Variants in CASTOR1 observed in about 807,000 individuals in gnomAD.
CASTOR1 encodes cytosolic arginine sensor for mTORC1 subunit 1.
In CASTOR1, 18 loss-of-function variants were observed where a neutral mutation model predicts 33.7. The ratio of observed to expected loss-of-function variants is 0.53; its 90% confidence interval spans 0.37 to 0.79. The LOEUF is 0.79. Among genes scored for constraint, CASTOR1 ranks in the 30% least tolerant of loss-of-function variants. The pLI, the probability that CASTOR1 is intolerant of heterozygous loss-of-function variation, is 0.00. For missense variants in CASTOR1, 362 were observed against 446.3 expected (o/e 0.81, Z 1.70); for synonymous variants, 175 against 190.6 (o/e 0.92, Z 0.67).
Position 30,286,831 on chromosome 22 carries a change from G to A in CASTOR1, c.623C>T (p.Ser208Leu), listed in dbSNP as rs775807200. 3.1e-6 allele frequency: 5 copies of A among 1,613,964 alleles called. No homozygotes were observed. In the South Asian group the frequency reaches 3.3e-5, roughly 11 times the overall value. Residue 208 changes from serine to leucine, a missense_variant, in exon 5 of 9, where the codon TCG (serine) becomes TTG (leucine). Transcript: ENST00000407689. ...ACGAAGTTCCAAGGTCCACCTGTGC[G>A]AGTAGAAGAGGACATCTATGAGGGT... ...ATTLIDVLFY[S>L]HSTPKEAASS...
intron 6 of CASTOR1, 51 bp downstream of exon 6, chr22:30,286,212 G>T: frequency 6.7e-7 from 1 of 1,491,276 alleles, no homozygotes; most frequent in Non-Finnish European, 9.3e-7. Context: ...CCTCCTCCCT[G>T]CCTGGGACTG....
At chr22:30,287,026 G>A in intron 4 of CASTOR1, 78 bp from the exon 5 acceptor site, 2 of 1,561,300 alleles carry the variant, frequency 1.3e-6, no homozygotes, top group Non-Finnish European at 1.7e-6. Context: ...GAGAGGCGTG[G>A]GCCAGGGGCA....
Position 30,287,418 on chromosome 22 carries a change from G to T in CASTOR1, c.327C>A (p.His109Gln). The T allele has an allele frequency of 1.5e-5, 24 of 1,613,462 alleles. No individual in the cohort carries two copies. Among genetic ancestry groups the T allele is most frequent in the Non-Finnish European group, 2.0e-5 (24 of 1,180,020 alleles). The part of the protein sequence containing the change: ...RSVIAPLAEH[H>Q]VSVLMLSTYQ... ...AAGTGGACAGCATCAGCACAGACAC[G>T]TGGTGCTCGGCCAGTGGCGCGATGA... The change falls in exon 3 of 9, where the codon CAC becomes CAA. Residue 109 changes from histidine to glutamine, a missense_variant. By Grantham distance (24) the His-to-Gln change is conservative (BLOSUM62 0). Transcript: ENST00000407689.
chr22:30,286,437 C>T (rs891817906), intron 5 of CASTOR1, 61 bp from the exon 6 acceptor site: 54 of 1,148,364 alleles, frequency 4.7e-5, no homozygotes, highest in African/African-American at 1.2e-4. Flanking sequence ...CCCCTGCTCC[C>T]GATCAGCCTC....
intron 2 of CASTOR1, among the ~76,000 whole-genome samples, chr22:30,288,254 G>T (rs1215486822): frequency 6.6e-6 from 1 of 152,212 alleles, no homozygotes; most frequent in Non-Finnish European, 1.5e-5. Flanking sequence ...CCCCTGAGAT[G>T]GCTGCCTGCT....
chr22:30,287,736 C>T, intron 2 of CASTOR1, 176 bp from the exon 3 acceptor site: 1 of 726,056 alleles, frequency 1.4e-6, no homozygotes, highest in East Asian at 2.7e-5. Context: ...CAAGTGCTGG[C>T]CTGGTGGCAT....
Position 30,286,911 on chromosome 22 carries a change from C to T in CASTOR1, c.543G>A (p.Gln181=), listed in dbSNP as rs768987098. 5 of 1,613,986 alleles carry T rather than the reference C, an allele frequency of 3.1e-6. No individual in the cohort carries two copies. The South Asian group carries it at 4.4e-5, about 14-fold the overall frequency. The change falls in exon 5 of 9, where the codon CAG becomes CAA. Residue 181 remains glutamine, a synonymous_variant. Transcript: ENST00000407689. The stretch of plus-strand genomic sequence containing the variant: ...CCAGTGTGAGGACACAGAAGCGGTT[C>T]TGTGGGCTCTGGATGGGATGCACCG... ...SPTVHPIQSP[Q]NRFCVLTLDP... is the part of the protein sequence containing the mutation.
chr22:30,287,152 C>G lies in CASTOR1; in HGVS notation c.505+3G>C. ...AGTCCAAGTGTCAGGGGGCGGCCCT[C>G]ACCATGCTGAGTGCGGGGAAAGCCA... On this transcript the variant is annotated splice_donor_region_variant and intron_variant, in intron 4 of 8. Transcript: ENST00000407689. 6.2e-7 allele frequency: 1 copy of G among 1,609,308 alleles called. No homozygotes were observed. The highest frequency in any genetic ancestry group is 1.7e-5 in the Admixed American group (1 of 59,636).
chr22:30,286,313 G>A lies in CASTOR1; in HGVS notation c.693C>T (p.Ser231=), dbSNP rs775034458. 5 of 1,614,050 alleles carry A rather than the reference G, an allele frequency of 3.1e-6. No homozygotes were observed. Among genetic ancestry groups the A allele is most frequent in the Admixed American group, 1.7e-5 (1 of 60,006 alleles). ...CAATGGAGATATAACCCTCGATGAGGGAGAAGGCAAAGAACGTGATGGAGC... is the reference window on the plus strand; with the variant it reads ...CAATGGAGATATAACCCTCGATGAGAGAGAAGGCAAAGAACGTGATGGAGC... ...EPSSITFFAF[S]LIEGYISIVM... is the part of the protein sequence containing the mutation. Residue 231 remains serine (S), a synonymous_variant, in exon 6 of 9, where the codon TCC becomes TCT. Transcript: ENST00000407689.
intron 4 of CASTOR1, 79 bp downstream of exon 4, chr22:30,287,076 C>G: frequency 6.4e-7 from 1 of 1,551,792 alleles, no homozygotes; most frequent in Non-Finnish European, 8.7e-7. Flanking sequence ...CCTCCTGCCC[C>G]ACTGGGGCCC....
In CASTOR1 at chr22:30,285,342, C is replaced by T. The variant is rs1352702475; in HGVS notation, c.*278G>A. 1.1e-4 allele frequency: 41 copies of T among 369,960 alleles called. No homozygotes were observed. Among genetic ancestry groups the T allele is most frequent in the Admixed American group, 2.5e-4 (5 of 20,158 alleles). 22.9% of individuals were successfully genotyped at this position (369,960 alleles called of 1,614,324 possible). A position where few individuals can be genotyped will look rare whatever the true frequency, so the allele number is the denominator to read the frequency against. On this transcript the variant is annotated 3_prime_UTR_variant, in exon 9 of 9. Coordinates refer to ENST00000407689, the MANE Select transcript of CASTOR1 (RefSeq NM_001037666.3). ...AGGGACTGTGCAAACGCCGAGGCTG[C>T]GCAGGGAGTGATGGGTTGGGGGCTT...
chr22:30,285,613 A>G lies in CASTOR1; in HGVS notation c.*7T>C, dbSNP rs1223525911. On this transcript the variant is annotated 3_prime_UTR_variant, in exon 9 of 9. Coordinates refer to ENST00000407689, the MANE Select transcript of CASTOR1 (RefSeq NM_001037666.3). Reference sequence around the variant, plus strand: ...GAGCAGGGAGGCTGCTCTGTTGCCCATGGGCCTCAGGAAGCCAGGCCTTCC... The same window carrying G: ...GAGCAGGGAGGCTGCTCTGTTGCCCGTGGGCCTCAGGAAGCCAGGCCTTCC... 3 of 1,559,386 alleles carry G rather than the reference A, an allele frequency of 1.9e-6. No individual in the cohort carries two copies. The highest frequency in any genetic ancestry group is 4.8e-5 in the East Asian group (2 of 41,936).
chr22:30,286,447 C>G, intron 5 of CASTOR1, 71 bp from the exon 6 acceptor site: 7 of 1,077,574 alleles, frequency 6.5e-6, no homozygotes, highest in East Asian at 2.4e-5. Flanking sequence ...CGATCAGCCT[C>G]CAGAACCCTG....
intron 8 of CASTOR1, 39 bp downstream of exon 8, chr22:30,285,793 G>C: frequency 6.3e-7 from 1 of 1,579,478 alleles, no homozygotes; most frequent in Non-Finnish European, 8.6e-7. Context: ...CACATTTCTG[G>C]GCCTCACTCT....
At chr22:30,286,971 G>A in intron 4 of CASTOR1, 23 bp from the exon 5 acceptor site, 3 of 1,597,564 alleles carry the variant, frequency 1.9e-6, no homozygotes, top group Non-Finnish European at 2.6e-6. Flanking sequence ...AGCAGCAGGT[G>A]AAAAGGTGTC....
chr22:30,287,257 G>T lies in CASTOR1; in HGVS notation c.403C>A (p.His135Asn), dbSNP rs2145753048. ...ATGTCGAACTCCTGGGCCAGCGTGTGGATCACCACGGACAGGTCCTGCTCC... is the reference window on the plus strand; with the variant it reads ...ATGTCGAACTCCTGGGCCAGCGTGTTGATCACCACGGACAGGTCCTGCTCC... ...VREQDLSVVI[H>N]TLAQEFDIYR... Residue 135 changes from histidine to asparagine, a missense_variant, in exon 4 of 9, where the codon CAC becomes AAC. Coordinates refer to ENST00000407689, the MANE Select transcript of CASTOR1 (RefSeq NM_001037666.3). 6.3e-7 allele frequency: 1 copy of T among 1,579,416 alleles called. No individual in the cohort carries two copies. Among genetic ancestry groups the T allele is most frequent in the East Asian group, 2.2e-5 (1 of 44,530 alleles).
At position 30,285,381 on chromosome 22, in the gene CASTOR1, C is replaced by G; in HGVS notation, c.*239G>C. The G allele has an allele frequency of 2.1e-6, 1 of 466,402 alleles. No individual in the cohort carries two copies. Among genetic ancestry groups the G allele is most frequent in the East Asian group, 3.9e-5 (1 of 25,356 alleles). 28.9% of individuals were successfully genotyped at this position (466,402 alleles called of 1,614,324 possible). A position where few individuals can be genotyped will look rare whatever the true frequency, so the allele number is the denominator to read the frequency against. ...GGTTGGGGGCTTAAGCCCCGAGCAC[C>G]GTGTTCCCCTGCATGGGCAGACACG... On this transcript the variant is annotated 3_prime_UTR_variant, in exon 9 of 9. Coordinates refer to ENST00000407689, the MANE Select transcript of CASTOR1 (RefSeq NM_001037666.3).
In CASTOR1 at chr22:30,289,505, C is replaced by T; in HGVS notation, c.-8G>A. 1 of 1,543,158 alleles carries T rather than the reference C, an allele frequency of 6.5e-7. No homozygotes were observed. Among genetic ancestry groups the T allele is most frequent in the Non-Finnish European group, 8.7e-7 (1 of 1,151,702 alleles). Reference sequence around the variant, plus strand: ...TAGGATGTGCAGCTCCATCGCGGCTCGCGCGGACCCGACCCCGCCGCCAAC... The same window carrying T: ...TAGGATGTGCAGCTCCATCGCGGCTTGCGCGGACCCGACCCCGCCGCCAAC... On this transcript the variant is annotated 5_prime_UTR_variant, in exon 1 of 9. Coordinates refer to ENST00000407689, the MANE Select transcript of CASTOR1 (RefSeq NM_001037666.3).
chr22:30,289,405 G>A lies in CASTOR1; in HGVS notation c.93C>T (p.Leu31=). ...CGCACCGGCTGCGGCGGGGCAGGAA[G>A]AGCAGCTTGATGAGCGGGTGGGTGT... ...WLYTHPLIKL[L]FLPRRSRCKF... The change falls in exon 1 of 9, where the codon CTC becomes CTT. Residue 31 remains leucine, a synonymous_variant. Coordinates refer to ENST00000407689, the MANE Select transcript of CASTOR1 (RefSeq NM_001037666.3). The A allele has an allele frequency of 6.3e-7, 1 of 1,594,428 alleles. No individual in the cohort carries two copies.
Sources: allele counts gnomAD v4.1 joint callset (sites outside exome capture counted in the v4.1 genomes callset), GRCh38; gene constraint gnomAD v4.1.1; transcripts MANE v1.5; gene names NCBI Gene and HGNC (gene_info 2026-07-23, HGNC 2026-07-21).